Variants in CCDC15 observed in about 807,000 individuals in gnomAD.
The protein encoded by CCDC15 is coiled-coil domain containing 15, also known as coiled-coil domain-containing protein 15.
A neutral mutation model predicts 114.5 loss-of-function variants in CCDC15; 105 were observed. The ratio of observed to expected loss-of-function variants is 0.92; its 90% CI spans 0.78 to 1.08. The LOEUF is 1.08. CCDC15 is among the 50% of genes least tolerant of loss of function. The pLI, the probability that CCDC15 is intolerant of heterozygous loss-of-function variation, is 0.00. For missense variants in CCDC15, 1,105 were observed against 1,093.6 expected (o/e 1.01, Z -0.15); for synonymous variants, 334 against 377.8 (o/e 0.88, Z 1.34).
intron 6 of CCDC15, among the ~76,000 whole-genome samples, chr11:124,981,933 T>C (rs1948079269): frequency 6.6e-6 from 1 of 152,188 alleles, no homozygotes; most frequent in Admixed American, 6.5e-5. Context: ...AGTCTCTTCA[T>C]AGGTTTCTAA....
rs1948297390 is a variant in CCDC15, at chr11:124,993,065, C to G, written c.2140-104C>G. 5.6e-6 allele frequency: 4 copies of G among 715,676 alleles called. No individual in the cohort carries two copies. In the East Asian group the frequency reaches 8.1e-5, roughly 14 times the overall value. The allele number at this position is 715,676 out of a possible 1,614,324, so 44.3% of individuals were successfully genotyped here. A position where few individuals can be genotyped will look rare whatever the true frequency, so the allele number is the denominator to read the frequency against. On this transcript the variant is annotated intron_variant, in intron 10 of 15. Transcript: ENST00000344762. Reference sequence around the variant, plus strand: ...AGCTTTAACTGTGTTCTATTATCCTCACCTAGTGTCATTACTCTGGGATTG... The same window carrying G: ...AGCTTTAACTGTGTTCTATTATCCTGACCTAGTGTCATTACTCTGGGATTG...
At chr11:124,957,412 C>T (rs949872127) in intron 2 of CCDC15, among the ~76,000 whole-genome samples, 2 of 152,206 alleles carry the variant, frequency 1.3e-5, no homozygotes, top group African/African-American at 4.8e-5. Context: ...TTTCACATGG[C>T]TTCTCTGTTT....
intron 8 of CCDC15, among the ~76,000 whole-genome samples, chr11:124,988,820 G>C (rs117715346): frequency 6.6e-6 from 1 of 152,288 alleles, no homozygotes; most frequent in Non-Finnish European, 1.5e-5. Context: ...ATTTAAGTTT[G>C]AACATGAGAT....
intron 13 of CCDC15, among the ~76,000 whole-genome samples, chr11:125,017,769 A>G (rs942364174): frequency 1.3e-5 from 2 of 152,226 alleles, no homozygotes; most frequent in Non-Finnish European, 2.9e-5. Flanking sequence ...GAAGACAATA[A>G]TATTGATGAT....
At chr11:124,955,871 C>A (rs530018610) in intron 2 of CCDC15, among the ~76,000 whole-genome samples, 66 of 152,286 alleles carry the variant, frequency 4.3e-4, no homozygotes, top group African/African-American at 1.5e-3. Context: ...TAGGTGGTAT[C>A]TCTATCTAAG....
intron 4 of CCDC15, among the ~76,000 whole-genome samples, chr11:124,972,642 G>T (rs1947905237): frequency 6.6e-6 from 1 of 152,098 alleles, no homozygotes. Context: ...AGTTCTGGAG[G>T]CCAGAAGTCC....
chr11:124,994,787 T>G (rs1948335599), intron 11 of CCDC15, among the ~76,000 whole-genome samples: 1 of 152,220 alleles, frequency 6.6e-6, no homozygotes, highest in African/African-American at 2.4e-5. Context: ...CCTACTAAGA[T>G]TTTTCCGTGG....
At chr11:125,011,981 G>T (rs1285938988) in intron 13 of CCDC15, among the ~76,000 whole-genome samples, 1 of 152,176 alleles carries the variant, frequency 6.6e-6, no homozygotes, top group Non-Finnish European at 1.5e-5. Flanking sequence ...TCAGATACAT[G>T]CTATGGTTCA....
At chr11:124,966,504 C>T (rs2135442138) in intron 4 of CCDC15, among the ~76,000 whole-genome samples, 1 of 151,618 alleles carries the variant, frequency 6.6e-6, no homozygotes, top group South Asian at 2.1e-4. Context: ...GGTAGATCTT[C>T]CTCCATCCCT....
At chr11:125,038,722 G>T (rs1948794270) in intron 14 of CCDC15, 118 bp downstream of exon 14, 1 of 1,217,130 alleles carries the variant, frequency 8.2e-7, no homozygotes, top group African/African-American at 1.5e-5. Flanking sequence ...CCTCATTTAG[G>T]AGTTCATAAC....
Position 125,004,082 on chromosome 11 carries a change from A to C in CCDC15, c.2307+123A>C. The C allele has an allele frequency of 6.2e-6, 3 of 480,788 alleles. No individual in the cohort carries two copies. In the South Asian group the frequency reaches 1.9e-4, roughly 30 times the overall value. The allele number at this position is 480,788 out of a possible 1,614,324, so 29.8% of individuals were successfully genotyped here. A position where few individuals can be genotyped will look rare whatever the true frequency, so the allele number is the denominator to read the frequency against. ...AGAGCTAATACCACAAATTTCATAA[A>C]TCAAATAAAAGTTGCTTGACTCATT... is the stretch of plus-strand genomic sequence containing the variant. On this transcript the variant is annotated intron_variant, in intron 12 of 15. Transcript: ENST00000344762.
Position 124,987,823 on chromosome 11 carries a change from C to T in CCDC15, c.1597C>T (p.Leu533=). The T allele has an allele frequency of 1.2e-6, 2 of 1,605,508 alleles. No individual in the cohort carries two copies. The highest frequency in any genetic ancestry group is 8.5e-7 in the Non-Finnish European group (1 of 1,173,664). Residue 533 remains leucine (L), a synonymous_variant, in exon 8 of 16, where the codon CTA becomes TTA. Transcript: ENST00000344762. ...ACCTAAATATCAAGGCCAGGATTTT[C>T]TACCTAAAGACCAGGACTTTTTATC... ...ILPKYQGQDF[L]PKDQDFLSRD...
intron 11 of CCDC15, among the ~76,000 whole-genome samples, chr11:124,993,904 C>T (rs1245677361): frequency 1.3e-5 from 2 of 152,144 alleles, no homozygotes; most frequent in East Asian, 3.8e-4. Context: ...ATTTGATTTT[C>T]ATAATAACCA....
chr11:124,955,988 A>T (rs1016040917), intron 2 of CCDC15, among the ~76,000 whole-genome samples: 1 of 152,178 alleles, frequency 6.6e-6, no homozygotes, highest in Non-Finnish European at 1.5e-5. Context: ...TGATTCTCCT[A>T]TTAAGGAGAA....
At chr11:124,954,455 C>T (rs1299675410) in intron 1 of CCDC15, 85 bp downstream of exon 1, 1 of 301,334 alleles carries the variant, frequency 3.3e-6, no homozygotes, top group Non-Finnish European at 6.5e-6. Flanking sequence ...GGACAGTCTT[C>T]GTTCTCTCAT....
chr11:124,990,709 A>G (rs1194928855), intron 8 of CCDC15, among the ~76,000 whole-genome samples: 1 of 152,136 alleles, frequency 6.6e-6, no homozygotes, highest in Non-Finnish European at 1.5e-5. Context: ...TCAACACTCT[A>G]CCCAGATTTT....
At chr11:124,960,060 A>G (rs1368144808) in intron 4 of CCDC15, 57 bp downstream of exon 4, 5 of 1,347,260 alleles carry the variant, frequency 3.7e-6, no homozygotes, top group Non-Finnish European at 5.0e-6. Flanking sequence ...CCCCTAAACT[A>G]TAAATATGAC....
chr11:125,023,080 C>A (rs1035502969), intron 13 of CCDC15, among the ~76,000 whole-genome samples: 2 of 151,852 alleles, frequency 1.3e-5, no homozygotes, highest in African/African-American at 4.8e-5. Context: ...ACTTATTTAA[C>A]AAGTCTTTGC....
chr11:124,966,173 T>G (rs904487067), intron 4 of CCDC15, among the ~76,000 whole-genome samples: 31 of 152,340 alleles, frequency 2.0e-4, no homozygotes, highest in African/African-American at 6.7e-4. Context: ...GTTGCAGAGC[T>G]GAGTTCAAGT....
Sources: gnomAD v4.1 joint callset for allele counts (sites outside exome capture counted in the v4.1 genomes callset) on GRCh38, gnomAD v4.1.1 for gene constraint, MANE v1.5 for transcripts, NCBI Gene and HGNC (gene_info 2026-07-23, HGNC 2026-07-21) for gene names.